Variants in RANBP2 observed in about 807,000 individuals in gnomAD.
RANBP2 encodes the protein RAN binding protein 2, also known as E3 SUMO-protein ligase RanBP2.
Under a neutral mutation model 303.6 loss-of-function variants are expected in RANBP2, and 57 were observed. That is an observed-to-expected ratio of 0.19 (90% CI 0.15 to 0.23). The LOEUF is 0.23. Among genes scored for constraint, RANBP2 ranks in the 10% least tolerant of loss-of-function variants. The pLI, the probability that RANBP2 is intolerant of heterozygous loss-of-function variation, is 1.00. For synonymous variants in RANBP2, 1,167 were observed against 1,301.5 expected (o/e 0.90, Z 2.23); for missense variants, 3,138 against 3,780.8 (o/e 0.83, Z 4.46).
chr2:108,880,503 G>C, the RANBP2 span, among the ~76,000 whole-genome samples: 3,036 of 152,256 alleles, frequency 0.02, 99 homozygotes, highest in African/African-American at 0.07. Context: ...CCAGGGAGGA[G>C]ACATCAAGGC....
the RANBP2 span, chr2:108,894,508 A>AAGTT: frequency 2.0e-5 from 3 of 152,376 alleles, no homozygotes; most frequent in African/African-American, 7.3e-5. Flanking sequence ...AAAATATAAT[A>AAGTT]AGTTATATAT....
chr2:109,381,875 G>A, the RANBP2 span, among the ~76,000 whole-genome samples: 4 of 152,054 alleles, frequency 2.6e-5, no homozygotes, highest in Non-Finnish European at 5.9e-5. Flanking sequence ...TGTTTATAAG[G>A]GGAGCTGAGT....
chr2:109,496,057 T>G, the RANBP2 span, among the ~76,000 whole-genome samples: 1 of 152,300 alleles, frequency 6.6e-6, no homozygotes, highest in Non-Finnish European at 1.5e-5. Flanking sequence ...ACCCACCGGG[T>G]TGCCCTGGGG....
At chr2:108,857,440 A>G in the RANBP2 span, among the ~76,000 whole-genome samples, 1 of 152,156 alleles carries the variant, frequency 6.6e-6, no homozygotes, top group Non-Finnish European at 1.5e-5. Context: ...TCACTAAAAA[A>G]TTAGGTAACT....
chr2:109,265,920 T>G, the RANBP2 span, among the ~76,000 whole-genome samples: 2 of 152,166 alleles, frequency 1.3e-5, no homozygotes, highest in Admixed American at 6.5e-5. Flanking sequence ...TTTCAGAGAT[T>G]GAAGGAAACT....
the RANBP2 span, among the ~76,000 whole-genome samples, chr2:108,963,790 C>T: frequency 1.5e-3 from 233 of 152,346 alleles, 1 homozygote; most frequent in African/African-American, 5.5e-3. Flanking sequence ...AAGAGGGACC[C>T]TTCCATCTGT....
chr2:108,860,497 T>A, the RANBP2 span, among the ~76,000 whole-genome samples: 1 of 151,796 alleles, frequency 6.6e-6, no homozygotes, highest in Non-Finnish European at 1.5e-5. Context: ...ATTATTTCAA[T>A]GCCTAGGTTG....
At chr2:109,358,376 G>T in the RANBP2 span, among the ~76,000 whole-genome samples, 1 of 152,206 alleles carries the variant, frequency 6.6e-6, no homozygotes, top group Admixed American at 6.5e-5. Context: ...GCAGGTTTTT[G>T]TGTGGACATA....
the RANBP2 span, among the ~76,000 whole-genome samples, chr2:109,215,201 C>T: frequency 6.6e-6 from 1 of 152,122 alleles, no homozygotes; most frequent in Non-Finnish European, 1.5e-5. Context: ...AAGTCTGTAA[C>T]CTCCCCTCAT....
the RANBP2 span, among the ~76,000 whole-genome samples, chr2:108,939,503 A>C: frequency 6.6e-6 from 1 of 152,150 alleles, no homozygotes; most frequent in Non-Finnish European, 1.5e-5. Context: ...GGACTGTCCC[A>C]AGTCCCAAGA....
chr2:109,413,454 C>T, the RANBP2 span, among the ~76,000 whole-genome samples: 38 of 152,286 alleles, frequency 2.5e-4, no homozygotes, highest in African/African-American at 7.9e-4. Context: ...AGGAAACTGC[C>T]GGGGCTACAG....
chr2:108,919,020 G>C, the RANBP2 span, among the ~76,000 whole-genome samples: 6 of 152,058 alleles, frequency 3.9e-5, no homozygotes, highest in African/African-American at 1.2e-4. Flanking sequence ...GCTGAGTCTC[G>C]GGCCCACTGG....
the RANBP2 span, among the ~76,000 whole-genome samples, chr2:109,489,013 G>A: frequency 2.0e-5 from 3 of 152,228 alleles, no homozygotes; most frequent in African/African-American, 7.2e-5. Flanking sequence ...CCTGAAAGCA[G>A]GAACAGCTGA....
chr2:109,692,904 C>T, the RANBP2 span, among the ~76,000 whole-genome samples: 22 of 150,694 alleles, frequency 1.5e-4, no homozygotes, highest in African/African-American at 5.1e-4. Flanking sequence ...CTGCAACCTC[C>T]ACCTCCCGGG....
the RANBP2 span, chr2:108,882,591 G>A: frequency 1.3e-5 from 2 of 152,212 alleles, no homozygotes; most frequent in Non-Finnish European, 2.9e-5. Context: ...AGACCCACTT[G>A]CTGTGTTATT....
chr2:109,022,711 T>G, the RANBP2 span, among the ~76,000 whole-genome samples: 4 of 152,128 alleles, frequency 2.6e-5, no homozygotes, highest in Non-Finnish European at 5.9e-5. Flanking sequence ...ACACAATAGA[T>G]CCAGGTAACA....
the RANBP2 span, among the ~76,000 whole-genome samples, chr2:109,634,386 A>G: frequency 6.6e-6 from 1 of 152,126 alleles, no homozygotes; most frequent in African/African-American, 2.4e-5. Context: ...TATCTCCAAA[A>G]AAGGGTGATT....
the RANBP2 span, among the ~76,000 whole-genome samples, chr2:108,996,651 T>C: frequency 2.0e-5 from 3 of 152,080 alleles, no homozygotes; most frequent in African/African-American, 7.2e-5. Flanking sequence ...TGCTGTGCTG[T>C]TGTCCTGTGC....
the RANBP2 span, among the ~76,000 whole-genome samples, chr2:109,035,219 T>G: frequency 6.6e-6 from 1 of 152,212 alleles, no homozygotes; most frequent in Non-Finnish European, 1.5e-5. Context: ...ATGGCCATCT[T>G]ATTTCTTGCC....
Sources: gnomAD v4.1 joint callset for allele counts (sites outside exome capture counted in the v4.1 genomes callset) on GRCh38, gnomAD v4.1.1 for gene constraint, MANE v1.5 for transcripts, NCBI Gene and HGNC (gene_info 2026-07-23, HGNC 2026-07-21) for gene names.